The following TNS3 variants were observed in gnomAD, a reference collection of about 807,000 sequenced individuals.
TNS3 encodes the protein tensin 3.
TNS3 carries 45 observed loss-of-function variants against 140.9 expected under a neutral mutation model. The observed-to-expected ratio is 0.32, with a 90% CI of 0.25 to 0.41. The LOEUF (loss-of-function observed/expected upper bound fraction) is 0.41. TNS3 is among the 10% of genes least tolerant of loss of function. The probability of loss-of-function intolerance (pLI) is 1.00; values close to 1 mark genes in which losing one functional copy is unlikely to be tolerated. For synonymous variants in TNS3, 815 were observed against 788.4 expected, an observed-to-expected ratio of 1.03 and a Z score of -0.56; for missense variants, 1,716 against 1,906.7, an observed-to-expected ratio of 0.90 and a Z score of 1.86.
intron 13 of TNS3, among the ~76,000 whole-genome samples, chr7:47,406,024 G>A (rs1793430083): frequency 6.6e-6 from 1 of 152,150 alleles, no homozygotes; most frequent in Admixed American, 6.5e-5. Context: ...GGCCCCTGGA[G>A]CCCTGCCAGA....
intron 4 of TNS3, among the ~76,000 whole-genome samples, chr7:47,474,095 T>A (rs779293137): frequency 1.4e-5 from 2 of 146,026 alleles, no homozygotes; most frequent in Non-Finnish European, 3.0e-5. Context: ...TGAGTTCAAG[T>A]AAAACATACT....
At chr7:47,408,162 C>G (rs1478455248) in intron 13 of TNS3, among the ~76,000 whole-genome samples, 1 of 152,126 alleles carries the variant, frequency 6.6e-6, no homozygotes, top group African/African-American at 2.4e-5. Context: ...CCATTGGGAA[C>G]ACTCCCAAGG....
chr7:47,522,586 A>C (rs1799022062), intron 2 of TNS3, among the ~76,000 whole-genome samples: 1 of 152,148 alleles, frequency 6.6e-6, no homozygotes, highest in Admixed American at 6.5e-5. Context: ...TAATGAAAAC[A>C]ATCATGTCTA....
At chr7:47,498,155 C>T (rs987460399) in intron 3 of TNS3, among the ~76,000 whole-genome samples, 15 of 152,194 alleles carry the variant, frequency 9.9e-5, no homozygotes, top group African/African-American at 3.6e-4. Flanking sequence ...TCAAAAGACA[C>T]AGAGGTGGGG....
intron 8 of TNS3, among the ~76,000 whole-genome samples, chr7:47,433,656 A>G (rs565072451): frequency 4.7e-4 from 71 of 152,346 alleles, no homozygotes; most frequent in Middle Eastern, 3.4e-3. Context: ...ACAATGCAGC[A>G]GGCAGCAGGT....
intron 20 of TNS3, among the ~76,000 whole-genome samples, chr7:47,306,343 A>T (rs556688885): frequency 5.3e-4 from 80 of 152,116 alleles, no homozygotes; most frequent in South Asian, 1.0e-3. Flanking sequence ...CTGGTTTTTT[A>T]AAAAAAATTG....
chr7:47,536,593 A>C (rs942284113), intron 1 of TNS3, among the ~76,000 whole-genome samples: 1 of 152,226 alleles, frequency 6.6e-6, no homozygotes, highest in Non-Finnish European at 1.5e-5. Context: ...ATTCCATTGC[A>C]GGGAAATGAA....
At chr7:47,575,764 A>G (rs1800659564) in intron 1 of TNS3, among the ~76,000 whole-genome samples, 2 of 146,050 alleles carry the variant, frequency 1.4e-5, no homozygotes, top group African/African-American at 2.5e-5. Flanking sequence ...CAGATCTTGC[A>G]GTAAGCTGAG....
chr7:47,446,048 T>C (rs1339405385), intron 4 of TNS3, among the ~76,000 whole-genome samples: 1 of 152,202 alleles, frequency 6.6e-6, no homozygotes, highest in African/African-American at 2.4e-5. Flanking sequence ...TAAAAAACTC[T>C]CTCTACTTGT....
intron 20 of TNS3, among the ~76,000 whole-genome samples, chr7:47,325,330 T>C (rs1034760616): frequency 2.0e-5 from 3 of 152,184 alleles, no homozygotes; most frequent in African/African-American, 7.2e-5. Flanking sequence ...TCCACGTTTG[T>C]AAAACCCTGT....
rs114104126 is a variant in TNS3, at chr7:47,476,815, G to A, written c.-76+4288C>T. On this transcript the variant is annotated intron_variant, in intron 4 of 30. Coordinates refer to ENST00000311160, the MANE Select transcript of TNS3 (RefSeq NM_022748.12). Reference sequence around the variant, plus strand: ...CCAACCCTGTGTCCATGTAACATATGCCAAGTTGACATTCACAAAGGGAGG... The same window carrying A: ...CCAACCCTGTGTCCATGTAACATATACCAAGTTGACATTCACAAAGGGAGG... Among the ~76,000 whole-genome samples the A allele has an allele frequency of 3.5e-3, 526 of 152,276 alleles. 1 individual carries two copies. Among genetic ancestry groups the A allele is most frequent in the African/African-American group, 0.012 (502 of 41,554 alleles).
At chr7:47,545,954 G>A (rs1799908748) in intron 1 of TNS3, among the ~76,000 whole-genome samples, 1 of 152,188 alleles carries the variant, frequency 6.6e-6, no homozygotes, top group Non-Finnish European at 1.5e-5. Flanking sequence ...GGGAACCCTA[G>A]GCAGTGATAT....
intron 17 of TNS3, among the ~76,000 whole-genome samples, chr7:47,364,707 T>C (rs1790591357): frequency 6.6e-6 from 1 of 152,188 alleles, no homozygotes; most frequent in Non-Finnish European, 1.5e-5. Context: ...GGTGCTTACC[T>C]AGCACAAGAG....
At chr7:47,351,209 G>A (rs889650443) in intron 17 of TNS3, among the ~76,000 whole-genome samples, 2 of 152,144 alleles carry the variant, frequency 1.3e-5, no homozygotes, top group Non-Finnish European at 2.9e-5. Context: ...ATTAGTTCCT[G>A]TATTCTCCCA....
At chr7:47,339,262 C>T (rs1584432815) in intron 20 of TNS3, among the ~76,000 whole-genome samples, 1 of 152,242 alleles carries the variant, frequency 6.6e-6, no homozygotes, top group Admixed American at 6.5e-5. Context: ...TTGTCCTAAC[C>T]TCATAACTCT....
intron 2 of TNS3, among the ~76,000 whole-genome samples, chr7:47,513,316 C>G (rs1234615833): frequency 6.6e-6 from 1 of 152,048 alleles, no homozygotes; most frequent in Admixed American, 6.6e-5. Context: ...ACCATTGGCG[C>G]GTGCCACTGT....
intron 27 of TNS3, among the ~76,000 whole-genome samples, chr7:47,291,508 A>AT (rs5883996): frequency 0.7 from 106,713 of 151,820 alleles, 37,585 homozygotes; most frequent in Middle Eastern, 0.8. Flanking sequence ...TCTATGAATA[A>AT]TTTTTTTAAG....
intron 12 of TNS3, 45 bp from the exon 13 acceptor site, chr7:47,411,847 T>A (rs1327213359): frequency 6.3e-7 from 1 of 1,582,946 alleles, no homozygotes; most frequent in East Asian, 2.3e-5. Context: ...ACTTCATGAT[T>A]TTGTGGGAAG....
chr7:47,514,596 T>C (rs898709012), intron 2 of TNS3, among the ~76,000 whole-genome samples: 11 of 152,178 alleles, frequency 7.2e-5, no homozygotes, highest in Admixed American at 7.2e-4. Context: ...CCTTGCTTCC[T>C]TTCTCAACTC....
Sources: gnomAD v4.1 joint callset for allele counts (sites outside exome capture counted in the v4.1 genomes callset) on GRCh38, gnomAD v4.1.1 for gene constraint, MANE v1.5 for transcripts, NCBI Gene and HGNC (gene_info 2026-07-23, HGNC 2026-07-21) for gene names.